The following RGSL1 variants were observed in gnomAD, a reference collection of about 807,000 sequenced individuals.
The protein encoded by RGSL1 is regulator of G protein signaling like 1.
RGSL1 carries 97 observed loss-of-function variants against 124.7 expected under a neutral mutation model. The observed-to-expected ratio is 0.78, with a 90% CI of 0.66 to 0.92. The LOEUF (loss-of-function observed/expected upper bound fraction) is 0.92. Ranked by LOEUF, RGSL1 falls within the 40% of genes least tolerant of loss-of-function variation. The pLI, the probability that RGSL1 is intolerant of heterozygous loss-of-function variation, is 0.00. For synonymous variants in RGSL1, 424 were observed against 438.1 expected (o/e 0.97, Z 0.40); for missense variants, 1,233 against 1,288.4 (o/e 0.96, Z 0.66).
chr1:182,526,489 G>A (rs1238240001), intron 10 of RGSL1, among the ~76,000 whole-genome samples: 1 of 146,186 alleles, frequency 6.8e-6, no homozygotes, highest in Non-Finnish European at 1.5e-5. Context: ...GCAACATGGT[G>A]AAACTCCGTC....
chr1:182,544,031 C>T (rs1406003965), intron 15 of RGSL1, among the ~76,000 whole-genome samples: 1 of 151,690 alleles, frequency 6.6e-6, no homozygotes, highest in Admixed American at 6.6e-5. Context: ...ATATTTTATT[C>T]TTTCTACTAA....
chr1:182,488,897 G>A, intron 7 of RGSL1, 83 bp from the exon 8 acceptor site: 1 of 1,074,948 alleles, frequency 9.3e-7, no homozygotes, highest in Non-Finnish European at 1.4e-6. Flanking sequence ...AGGGAGGCAT[G>A]GAGCACTGAG....
chr1:182,449,752 T>C (rs894193786), upstream of RGSL1, among the ~76,000 whole-genome samples: 2 of 152,180 alleles, frequency 1.3e-5, no homozygotes, highest in Non-Finnish European at 2.9e-5. Flanking sequence ...GTTGATGTTT[T>C]AAATGGGCAG....
At chr1:182,524,150 G>A (rs1390199259) in intron 10 of RGSL1, among the ~76,000 whole-genome samples, 3 of 152,120 alleles carry the variant, frequency 2.0e-5, no homozygotes, top group Non-Finnish European at 4.4e-5. Flanking sequence ...CAAATAATTA[G>A]AAAAAGGTAT....
chr1:182,552,210 T>A (rs1212719311), intron 18 of RGSL1, among the ~76,000 whole-genome samples: 1 of 151,772 alleles, frequency 6.6e-6, no homozygotes, highest in Non-Finnish European at 1.5e-5. Flanking sequence ...ACCTCCTGGG[T>A]TCACGCCATT....
At chr1:182,495,336 G>A (rs1459209881) in intron 9 of RGSL1, among the ~76,000 whole-genome samples, 2 of 152,142 alleles carry the variant, frequency 1.3e-5, no homozygotes, top group Non-Finnish European at 2.9e-5. Flanking sequence ...CATTCTGTCT[G>A]CTTGGTTGTT....
chr1:182,469,384 T>C (rs1653627945), intron 4 of RGSL1, among the ~76,000 whole-genome samples: 1 of 152,208 alleles, frequency 6.6e-6, no homozygotes, highest in East Asian at 1.9e-4. Context: ...CCAAAGAAGA[T>C]ATACAGATAG....
intron 14 of RGSL1, among the ~76,000 whole-genome samples, chr1:182,536,217 T>C (rs1659527961): frequency 6.6e-6 from 1 of 152,218 alleles, no homozygotes; most frequent in Admixed American, 6.5e-5. Context: ...CATATTGGGT[T>C]GATTTCACTT....
chr1:182,501,753 T>A lies in RGSL1; in HGVS notation c.1825+8624T>A, dbSNP rs571316917. Among the ~76,000 whole-genome samples the A allele has an allele frequency of 2.6e-5, 4 of 152,314 alleles. No individual in the cohort carries two copies. In the South Asian group the frequency reaches 8.3e-4, roughly 32 times the overall value. On this transcript the variant is annotated intron_variant, in intron 9 of 21. Coordinates refer to ENST00000294854, the MANE Select transcript of RGSL1 (RefSeq NM_001137669.2). ...GTCTTTGTCTGATTTATTATTAGGA[T>A]CATGCTGACCTCAGAATGAGTTAGG... is the stretch of plus-strand genomic sequence containing the variant.
At chr1:182,545,439 C>T (rs1436338133) in intron 15 of RGSL1, among the ~76,000 whole-genome samples, 1 of 152,138 alleles carries the variant, frequency 6.6e-6, no homozygotes, top group Non-Finnish European at 1.5e-5. Context: ...GTGAATTGCA[C>T]ACCACAATTA....
At chr1:182,491,057 A>AT (rs1394208614) in intron 8 of RGSL1, among the ~76,000 whole-genome samples, 5,038 of 143,802 alleles carry the variant, frequency 0.035, 272 homozygotes, top group African/African-American at 0.12. Context: ...CACCCAGCTA[A>AT]TTTTTTTTTT....
At chr1:182,448,888 C>T (rs1332309837), upstream of RGSL1, among the ~76,000 whole-genome samples, 1 of 152,122 alleles carries the variant, frequency 6.6e-6, no homozygotes, top group African/African-American at 2.4e-5. Flanking sequence ...GGTGGGGCAG[C>T]AATTAGGACT....
rs796651047 is a variant in RGSL1, at chr1:182,474,258, C to T, written c.1147C>T (p.Pro383Ser). Reference protein sequence around the residue: ...ALCADACAGNPFRDHLKKLNL... With the variant: ...ALCADACAGNSFRDHLKKLNL... ...GTGTGCTGATGCCTGTGCAGGGAAC[C>T]CTTTCCGGGACCACCTGAAGAAGCT... Residue 383 changes from proline to serine, a missense_variant, in exon 6 of 22, where the codon CCT becomes TCT. Pro to Ser is a moderately conservative substitution (Grantham distance 74). Transcript: ENST00000294854. 6.4e-7 allele frequency: 1 copy of T among 1,551,668 alleles called. No individual in the cohort carries two copies. Among genetic ancestry groups the T allele is most frequent in the Non-Finnish European group, 8.7e-7 (1 of 1,147,002 alleles).
chr1:182,531,637 C>T (rs1370766175), intron 13 of RGSL1, among the ~76,000 whole-genome samples: 1 of 152,078 alleles, frequency 6.6e-6, no homozygotes, highest in Non-Finnish European at 1.5e-5. Context: ...TCCTTTTCTC[C>T]TCTGTATTTC....
intron 19 of RGSL1, among the ~76,000 whole-genome samples, 165 bp downstream of exon 19, chr1:182,553,706 A>C (rs1481599277): frequency 6.6e-6 from 1 of 152,166 alleles, no homozygotes; most frequent in African/African-American, 2.4e-5. Context: ...AGAGGAGGTG[A>C]AAATTTAGTC....
intron 1 of RGSL1, 125 bp from the exon 2 acceptor site, chr1:182,453,833 C>T: frequency 1.6e-6 from 1 of 641,218 alleles, no homozygotes; most frequent in Non-Finnish European, 2.8e-6. Flanking sequence ...AATTGCATGA[C>T]CCTAGAGGCT....
At chr1:182,460,425 G>A (rs1652724689) in intron 4 of RGSL1, among the ~76,000 whole-genome samples, 1 of 152,154 alleles carries the variant, frequency 6.6e-6, no homozygotes, top group African/African-American at 2.4e-5. Context: ...GATGGACTGG[G>A]CTGTTTATCT....
intron 11 of RGSL1, 45 bp from the exon 12 acceptor site, chr1:182,530,199 T>C (rs1038694654): frequency 5.0e-6 from 7 of 1,387,430 alleles, no homozygotes; most frequent in Non-Finnish European, 6.9e-6. Flanking sequence ...ATCTCAGAAA[T>C]GGTAGATGAG....
At chr1:182,529,884 T>A (rs138075444) in intron 11 of RGSL1, among the ~76,000 whole-genome samples, 225 of 152,262 alleles carry the variant, frequency 1.5e-3, no homozygotes, top group African/African-American at 5.1e-3. Context: ...AATCTTGGAT[T>A]CCCCGTCTGC....
Sources: allele counts gnomAD v4.1 joint callset (sites outside exome capture counted in the v4.1 genomes callset), GRCh38; gene constraint gnomAD v4.1.1; transcripts MANE v1.5; gene names NCBI Gene and HGNC (gene_info 2026-07-23, HGNC 2026-07-21).